VPS52: variants seen among roughly 807,000 people sequenced by gnomAD.
VPS52 encodes vacuolar protein sorting-associated protein 52 homolog.
VPS52 carries 56 observed loss-of-function variants against 98.7 expected under a neutral mutation model. The observed-to-expected ratio is 0.57, with a 90% CI of 0.46 to 0.71. The LOEUF (loss-of-function observed/expected upper bound fraction) is 0.71. VPS52 is among the 30% of genes least tolerant of loss of function. The probability of loss-of-function intolerance (pLI) is 0.00; values close to 1 mark genes in which losing one functional copy is unlikely to be tolerated. For missense variants in VPS52, 742 were observed against 925.9 expected (o/e 0.80, Z 2.58); for synonymous variants, 348 against 346.4 (o/e 1.00, Z -0.05).
At chr6:33,270,086 C>A (rs1348083642) in intron 2 of VPS52, 35 bp from the exon 3 acceptor site, 7 of 1,613,974 alleles carry the variant, frequency 4.3e-6, no homozygotes, top group Admixed American at 1.7e-5. Context: ...GGTCCAGCTC[C>A]ACAGCTCCCT....
chr6:33,269,243 G>A, intron 5 of VPS52, 54 bp from the exon 6 acceptor site: 1 of 1,600,698 alleles, frequency 6.2e-7, no homozygotes, highest in Non-Finnish European at 8.5e-7. Flanking sequence ...GGGGATAAGT[G>A]GGCCACCAAA....
chr6:33,270,823 C>A (rs545077207), intron 1 of VPS52, among the ~76,000 whole-genome samples: 55 of 152,010 alleles, frequency 3.6e-4, no homozygotes, highest in Non-Finnish European at 6.5e-4. Flanking sequence ...CGGTGGCGGG[C>A]GCCTGTAGTC....
At position 33,269,081 on chromosome 6, in the gene VPS52, G is replaced by A. The variant is rs1764682409; in HGVS notation, c.481C>T (p.Arg161Cys). ...CCAAGTTTCCCCCGAACTGCCTGGC[G>A]ATTTCGAAGTCGAATGTTCATGGCT... ...SGAMNIRLRN[R>C]QAVRGKLGEL... The change falls in exon 6 of 20, where the codon CGC (arginine) becomes TGC (cysteine). Residue 161 changes from arginine (R) to cysteine (C), a missense_variant. This residue lies in a region of VPS52 where 590 missense variants were observed against 793.3 expected (regional missense o/e 0.74). Coordinates refer to ENST00000445902, the MANE Select transcript of VPS52 (RefSeq NM_022553.6). The A allele has an allele frequency of 3.7e-6, 6 of 1,612,964 alleles. No homozygotes were observed. Among genetic ancestry groups the A allele is most frequent in the East Asian group, 2.2e-5 (1 of 44,884 alleles).
In VPS52 at chr6:33,250,752, G is replaced by GA; in HGVS notation, c.*88dup. 6.6e-7 allele frequency: 1 copy of GA among 1,525,640 alleles called. No homozygotes were observed. Among genetic ancestry groups the GA allele is most frequent in the Non-Finnish European group, 8.8e-7 (1 of 1,132,900 alleles). The allele number at this position is 1,525,640 out of a possible 1,614,324, so 94.5% of individuals were successfully genotyped here. A position where few individuals can be genotyped will look rare whatever the true frequency, so the allele number is the denominator to read the frequency against. On this transcript the variant is annotated 3_prime_UTR_variant, in exon 20 of 20. Transcript: ENST00000445902. The stretch of plus-strand genomic sequence containing the variant: ...GGCCTGGGAAGCAAGGGGAAAACTG[G>GA]AAGGGGTACCCCAGGTGAAGAAGGG...
At position 33,271,664 on chromosome 6, in the gene VPS52, A is replaced by T. The variant is rs1372650671; in HGVS notation, c.12T>A (p.Ala4=). The change falls in exon 1 of 20, where the codon GCT becomes GCA. Residue 4 remains alanine, a synonymous_variant. Transcript: ENST00000445902. MAA[A]ATMAAAAREL... ...CCCGGGCCGCAGCCGCCATGGTCGC[A>T]GCGGCGGCCATTCCCCGCAGCCTCA... The T allele has an allele frequency of 6.2e-7, 1 of 1,608,348 alleles. No homozygotes were observed. The highest frequency in any genetic ancestry group is 8.5e-7 in the Non-Finnish European group (1 of 1,176,958).
chr6:33,271,483 C>T (rs1347262896), intron 1 of VPS52, 103 bp downstream of exon 1: 2 of 1,488,218 alleles, frequency 1.3e-6, no homozygotes, highest in Non-Finnish European at 1.8e-6. Flanking sequence ...GGTAATATCA[C>T]GGGTAGCAGC....
Position 33,251,521 on chromosome 6 carries a change from AATG to A in VPS52, c.2019_2021del (p.Ile674del). ...GGGCCTGGGACTTGCAGGTCACCTGAATGATACTGGTGCCATTTCTGAAGTTGG... is the reference window on the plus strand; with the variant it reads ...GGGCCTGGGACTTGCAGGTCACCTGAATACTGGTGCCATTTCTGAAGTTGG... On this transcript the variant is annotated inframe_deletion, in exon 19 of 20. Coordinates refer to ENST00000445902, the MANE Select transcript of VPS52 (RefSeq NM_022553.6). 6.2e-7 allele frequency: 1 copy of A among 1,602,958 alleles called. No homozygotes were observed. The highest frequency in any genetic ancestry group is 8.5e-7 in the Non-Finnish European group (1 of 1,170,774).
At chr6:33,263,436 T>C (rs755749148) in intron 17 of VPS52, 48 bp downstream of exon 17, 1 of 1,278,778 alleles carries the variant, frequency 7.8e-7, no homozygotes, top group Non-Finnish European at 1.1e-6. Flanking sequence ...GAGAGAGAGC[T>C]GAAAACAGCA....
intron 17 of VPS52, among the ~76,000 whole-genome samples, chr6:33,261,364 G>A (rs189827266): frequency 6.6e-6 from 1 of 151,972 alleles, no homozygotes; most frequent in East Asian, 1.9e-4. Flanking sequence ...CTATTCAGGA[G>A]GCTGAGGCAG....
In VPS52 at chr6:33,264,429, C is replaced by G; in HGVS notation, c.1469G>C (p.Ser490Thr). The change falls in exon 14 of 20, where the codon AGC becomes ACC. Residue 490 changes from serine to threonine, a missense_variant. Around this residue, in one of 2 missense-constraint regions of VPS52, gnomAD observed 590 missense variants for 793.3 expected, o/e 0.74. Coordinates refer to ENST00000445902, the MANE Select transcript of VPS52 (RefSeq NM_022553.6). ...FELILEMNVQ[S>T]VRSTDPQRLG... ...GCGCTGGGGGTCAGTGCTTCGGACG[C>G]TCTGAACATTCATCTCCAGGATCAG... 1 of 1,614,164 alleles carries G rather than the reference C, an allele frequency of 6.2e-7. No homozygotes were observed. Among genetic ancestry groups the G allele is most frequent in the South Asian group, 1.1e-5 (1 of 91,090 alleles).
At chr6:33,262,065 A>AAAAAAAAC (rs1763700375) in intron 17 of VPS52, among the ~76,000 whole-genome samples, 1 of 148,496 alleles carries the variant, frequency 6.7e-6, no homozygotes, top group Non-Finnish European at 1.5e-5. Flanking sequence ...AAAAAAAAAA[A>AAAAAAAAC]GCTTCTGCAC....
rs1764506059 is a variant in VPS52, at chr6:33,267,700, CCA to C, written c.971_972del (p.Val324GlyfsTer34). The C allele has an allele frequency of 6.2e-7, 1 of 1,612,896 alleles. No homozygotes were observed. Among genetic ancestry groups the C allele is most frequent in the Admixed American group, 1.7e-5 (1 of 59,980 alleles). On this transcript the variant is annotated frameshift_variant, in exon 10 of 20. Coordinates refer to ENST00000445902, the MANE Select transcript of VPS52 (RefSeq NM_022553.6). LOFTEE classifies it high-confidence loss of function. This position sits in a 1 kb window ranked among gnomAD's most constrained non-coding sequence, Gnocchi z 4.2. ...EVAEKDDLMG[V>X]EDTAKKGFFS... ...AGGATATCTTTCTTTGCTGTATCTT[CCA>C]CACCCATTAGATCATCTTTCTCAGC...
rs1726403230 is a variant in VPS52 at position 33,268,320 on chromosome 6, CTT to C, written c.700-114_700-113del. The stretch of plus-strand genomic sequence containing the variant: ...ATAGGCAGAAGGGTGGTGAATATCT[CTT>C]TGGTATTTCTCAAGATTTTCAGGGA... On this transcript the variant is annotated intron_variant, in intron 7 of 19. Transcript: ENST00000445902. This position sits in a 1 kb window ranked among gnomAD's most constrained non-coding sequence, Gnocchi z 4.0. 4.1e-5 allele frequency: 55 copies of C among 1,353,720 alleles called. No individual in the cohort carries two copies. The highest frequency in any genetic ancestry group is 5.5e-5 in the Non-Finnish European group (53 of 968,512). The allele number at this position is 1,353,720 out of a possible 1,614,324, so 83.9% of individuals were successfully genotyped here.
At chr6:33,261,230 G>T (rs900996830) in intron 17 of VPS52, among the ~76,000 whole-genome samples, 3 of 152,012 alleles carry the variant, frequency 2.0e-5, no homozygotes, top group African/African-American at 7.2e-5. Context: ...CACTTGGGAG[G>T]CCCAGGTGGG....
At position 33,269,034 on chromosome 6, in the gene VPS52, C is replaced by A. The variant is rs764119353; in HGVS notation, c.528G>T (p.Val176=). Residue 176 remains valine, a synonymous_variant, in exon 6 of 20, where the codon GTG becomes GTT. Transcript: ENST00000445902. ...CTCACGTGACCAGAGCAGAAGGCAC[C>A]ACCAGACCATCAACAAGCTCCCCAA... ...GKLGELVDGL[V]VPSALVTAIL... 2.4e-4 allele frequency: 380 copies of A among 1,612,462 alleles called. 2 individuals carry two copies. In the East Asian group the frequency reaches 5.7e-3, roughly 24 times the overall value.
chr6:33,264,655 C>T (rs573991760), intron 13 of VPS52, 127 bp downstream of exon 13: 8 of 1,407,684 alleles, frequency 5.7e-6, no homozygotes, highest in Admixed American at 1.7e-5. Context: ...ACTACTGCCT[C>T]CGGAGCAAAT....
rs149059059 is a variant in VPS52 at position 33,265,788 on chromosome 6, G to A, written c.1281+769C>T. On this transcript the variant is annotated intron_variant, in intron 12 of 19. Coordinates refer to ENST00000445902, the MANE Select transcript of VPS52 (RefSeq NM_022553.6). ...AGTTTTCACGTGCTATTGCCTGATT[G>A]TGGGTCAGCAGTAGGGGTAGTCTCA... 2.1e-3 allele frequency among the ~76,000 whole-genome samples: 316 copies of A among 152,300 alleles called. 1 individual carries two copies. The highest frequency in any genetic ancestry group is 7.1e-3 in the African/African-American group (295 of 41,550).
At position 33,267,098 on chromosome 6, in the gene VPS52, C is replaced by G; in HGVS notation, c.1125+90G>C. On this transcript the variant is annotated intron_variant, in intron 11 of 19. Transcript: ENST00000445902. This position sits in a 1 kb window ranked among gnomAD's most constrained non-coding sequence, Gnocchi z 4.2. ...TCTAAGGGGATTAAGACAGGGCCTGCAGGTTGGGAAGCTCTGCCCTGAGGT... is the reference window on the plus strand; with the variant it reads ...TCTAAGGGGATTAAGACAGGGCCTGGAGGTTGGGAAGCTCTGCCCTGAGGT... 1.4e-6 allele frequency: 2 copies of G among 1,422,952 alleles called. No homozygotes were observed. The highest frequency in any genetic ancestry group is 1.8e-6 in the Non-Finnish European group (2 of 1,082,424). 88.1% of individuals were successfully genotyped at this position (1,422,952 alleles called of 1,614,324 possible).
intron 14 of VPS52, 75 bp from the exon 15 acceptor site, chr6:33,264,178 A>G: frequency 6.3e-7 from 1 of 1,575,428 alleles, no homozygotes; most frequent in South Asian, 1.1e-5. Flanking sequence ...TCCTTAGCCA[A>G]CCCACCTCCA....
Sources: gnomAD v4.1 joint callset for allele counts (sites outside exome capture counted in the v4.1 genomes callset) on GRCh38, gnomAD v4.1.1 for gene constraint, gnomAD v4.1.1 regional missense constraint, Gnocchi (gnomAD v3.1) non-coding constraint, MANE v1.5 for transcripts, NCBI Gene and HGNC (gene_info 2026-07-23, HGNC 2026-07-21) for gene names.